The following GUCY1A2 variants were observed in gnomAD, a reference collection of about 807,000 sequenced individuals.
GUCY1A2 encodes the protein guanylate cyclase soluble subunit alpha-2.
In GUCY1A2, 27 loss-of-function variants were observed where a neutral mutation model predicts 63.5. That is an observed-to-expected ratio of 0.43 (90% confidence interval 0.31 to 0.59). GUCY1A2 has a LOEUF of 0.59. Ranked by LOEUF, GUCY1A2 falls within the 20% of genes least tolerant of loss-of-function variation. The probability of loss-of-function intolerance (pLI) is 0.11; values close to 1 mark genes in which losing one functional copy is unlikely to be tolerated. For synonymous variants in GUCY1A2, 364 were observed against 343.5 expected (o/e 1.06, Z -0.66); for missense variants, 768 against 913.3 (o/e 0.84, Z 2.05).
Position 106,685,941 on chromosome 11 carries a change from G to T in GUCY1A2, c.*1608C>A, listed in dbSNP as rs1862519416. On this transcript the variant is annotated 3_prime_UTR_variant, in exon 8 of 8. Coordinates refer to ENST00000526355, the MANE Select transcript of GUCY1A2 (RefSeq NM_000855.3). ...CATAGAAAATTTAAAAACATTAAAT[G>T]AACCTCATAGACTACATTGGAAATT... The T allele has an allele frequency of 4.5e-6, 1 of 224,230 alleles. No homozygotes were observed. The highest frequency in any genetic ancestry group is 5.7e-5 in the Admixed American group (1 of 17,448). The allele number at this position is 224,230 out of a possible 1,614,324, so 13.9% of individuals were successfully genotyped here.
In GUCY1A2 at chr11:106,824,103, G is replaced by A. The variant is rs6588928; in HGVS notation, c.1207-13625C>T. 1.1e-3 allele frequency: 1,654 copies of A among 1,498,704 alleles called. 21 individuals are homozygous for A. The African/African-American group carries it at 0.02, about 18-fold the overall frequency. The allele number at this position is 1,498,704 out of a possible 1,614,324, so 92.8% of individuals were successfully genotyped here. On this transcript the variant is annotated intron_variant, in intron 4 of 7. Transcript: ENST00000526355. ...TGCTACCATTTCTTATTTGAAAATAGGACCTAAAGCTAATCTTCTGAACAA... is the reference window on the plus strand; with the variant it reads ...TGCTACCATTTCTTATTTGAAAATAAGACCTAAAGCTAATCTTCTGAACAA...
At chr11:107,008,118 AACAT>A (rs1466628869) in intron 1 of GUCY1A2, among the ~76,000 whole-genome samples, 1 of 149,362 alleles carries the variant, frequency 6.7e-6, no homozygotes, top group Non-Finnish European at 1.5e-5. Flanking sequence ...ACCCCTAATA[AACAT>A]ACAAAAATTA....
chr11:106,933,547 A>G (rs1241205042), intron 4 of GUCY1A2, among the ~76,000 whole-genome samples: 2 of 152,176 alleles, frequency 1.3e-5, no homozygotes, highest in Non-Finnish European at 2.9e-5. Flanking sequence ...AGATTTCTCA[A>G]AGAAGTTAAA....
intron 4 of GUCY1A2, among the ~76,000 whole-genome samples, chr11:106,840,208 A>C (rs1859177642): frequency 6.6e-6 from 1 of 151,916 alleles, no homozygotes; most frequent in African/African-American, 2.4e-5. Context: ...GAAAAGAAGC[A>C]CTATTGATGG....
At chr11:106,986,857 C>A (rs1349543302) in intron 1 of GUCY1A2, among the ~76,000 whole-genome samples, 3 of 152,152 alleles carry the variant, frequency 2.0e-5, no homozygotes, top group South Asian at 2.1e-4. Flanking sequence ...ATGGAGTCTG[C>A]AACAAATATC....
At chr11:106,749,631 C>T (rs1014607132) in intron 6 of GUCY1A2, among the ~76,000 whole-genome samples, 4 of 152,068 alleles carry the variant, frequency 2.6e-5, no homozygotes, top group African/African-American at 9.7e-5. Flanking sequence ...TTCTTGCCTG[C>T]TCTTCCCTAG....
At chr11:106,745,645 A>G (rs1010627018) in intron 6 of GUCY1A2, among the ~76,000 whole-genome samples, 3 of 152,246 alleles carry the variant, frequency 2.0e-5, no homozygotes, top group African/African-American at 7.2e-5. Context: ...TATACAATAG[A>G]TATTCCATAA....
At chr11:106,996,841 G>C (rs1050423962) in intron 1 of GUCY1A2, among the ~76,000 whole-genome samples, 3 of 152,138 alleles carry the variant, frequency 2.0e-5, no homozygotes, top group African/African-American at 7.2e-5. Context: ...AACTCAGTAA[G>C]GGTCTGAATA....
chr11:106,829,092 C>A (rs779630275), intron 4 of GUCY1A2, among the ~76,000 whole-genome samples: 1 of 152,154 alleles, frequency 6.6e-6, no homozygotes, highest in Non-Finnish European at 1.5e-5. Context: ...GTCTGCTCGA[C>A]GAACAAAGTC....
intron 4 of GUCY1A2, among the ~76,000 whole-genome samples, chr11:106,833,701 T>C (rs1386371465): frequency 6.6e-6 from 1 of 152,084 alleles, no homozygotes; most frequent in Non-Finnish European, 1.5e-5. Flanking sequence ...ATGGTTAACT[T>C]ATATGAACTT....
At chr11:106,807,709 G>T (rs1012207318) in intron 5 of GUCY1A2, among the ~76,000 whole-genome samples, 2 of 152,178 alleles carry the variant, frequency 1.3e-5, no homozygotes, top group Admixed American at 6.5e-5. Context: ...TCAATGGACT[G>T]GGAGAGGCAG....
intron 3 of GUCY1A2, among the ~76,000 whole-genome samples, chr11:106,943,927 T>C (rs765642229): frequency 6.6e-6 from 1 of 151,980 alleles, no homozygotes; most frequent in Non-Finnish European, 1.5e-5. Flanking sequence ...CAGGTTAGGC[T>C]GGGCACAGTG....
At chr11:106,976,246 C>G (rs17106266) in intron 3 of GUCY1A2, among the ~76,000 whole-genome samples, 2 of 151,750 alleles carry the variant, frequency 1.3e-5, no homozygotes, top group African/African-American at 4.8e-5. Flanking sequence ...CTGCCTTCTG[C>G]CATCCAAAAA....
intron 3 of GUCY1A2, among the ~76,000 whole-genome samples, chr11:106,963,267 C>A (rs1200500027): frequency 1.3e-5 from 2 of 151,988 alleles, no homozygotes; most frequent in African/African-American, 4.8e-5. Context: ...CTTCTGAATT[C>A]AAGGAAAGTA....
At chr11:106,926,573 T>C (rs773951001) in intron 4 of GUCY1A2, among the ~76,000 whole-genome samples, 4 of 151,990 alleles carry the variant, frequency 2.6e-5, no homozygotes, top group Non-Finnish European at 4.4e-5. Context: ...CCCTTAGAAT[T>C]ATCAAATTAG....
chr11:106,986,636 A>G (rs1339279129), intron 1 of GUCY1A2, among the ~76,000 whole-genome samples: 2 of 152,190 alleles, frequency 1.3e-5, no homozygotes, highest in Non-Finnish European at 2.9e-5. Flanking sequence ...ACTTTATAAT[A>G]AAAGATATTT....
chr11:106,723,592 A>G (rs1226343130), intron 6 of GUCY1A2, among the ~76,000 whole-genome samples: 3 of 152,250 alleles, frequency 2.0e-5, no homozygotes, highest in African/African-American at 7.2e-5. Context: ...TGGGAGGCCA[A>G]GGAGGACAGA....
intron 1 of GUCY1A2, among the ~76,000 whole-genome samples, chr11:107,001,738 C>T (rs544998449): frequency 1.3e-5 from 2 of 152,052 alleles, no homozygotes; most frequent in East Asian, 3.9e-4. Context: ...ATATTTATTG[C>T]CCAGGCACAG....
intron 4 of GUCY1A2, among the ~76,000 whole-genome samples, chr11:106,899,156 C>A (rs1205075419): frequency 6.6e-6 from 1 of 151,732 alleles, no homozygotes; most frequent in Non-Finnish European, 1.5e-5. Flanking sequence ...GTAATGAGGC[C>A]CCCAAAGTGA....
Sources: allele counts gnomAD v4.1 joint callset (sites outside exome capture counted in the v4.1 genomes callset), GRCh38; gene constraint gnomAD v4.1.1; transcripts MANE v1.5; gene names NCBI Gene and HGNC (gene_info 2026-07-23, HGNC 2026-07-21).